Variants in RIF1 observed in about 807,000 individuals in gnomAD.
RIF1 encodes telomere-associated protein RIF1.
A neutral mutation model predicts 247.1 loss-of-function variants in RIF1; 45 were observed. That is an observed-to-expected ratio of 0.18 (90% CI 0.14 to 0.23). The LOEUF is 0.23. RIF1 is among the 10% of genes least tolerant of loss of function. The probability of loss-of-function intolerance (pLI) is 1.00; values close to 1 mark genes in which losing one functional copy is unlikely to be tolerated. For synonymous variants in RIF1, 1,087 were observed against 978.8 expected (o/e 1.11, Z -2.06); for missense variants, 2,967 against 2,862.5 (o/e 1.04, Z -0.83).
rs755614432 is a variant in RIF1 at position 151,503,555 on chromosome 2, A to G, written c.*861+370A>G. 8 of 661,968 alleles carry G rather than the reference A, an allele frequency of 1.2e-5. No homozygotes were observed. The South Asian group carries it at 1.5e-4, about 13-fold the overall frequency. The allele number at this position is 661,968 out of a possible 1,614,324, so 41.0% of individuals were successfully genotyped here. A position where few individuals can be genotyped will look rare whatever the true frequency, so the allele number is the denominator to read the frequency against. On this transcript the variant is annotated intron_variant and NMD_transcript_variant, in intron 12 of 13. Transcript: ENST00000454583. ...CATAAAAACAATCTAGCTCTCAAAT[A>G]TAACATTCAAGGAACAGGGGGGAAA...
chr2:151,525,347 A>C, the RIF1 span: 2 of 1,081,332 alleles, frequency 1.8e-6, no homozygotes, highest in Non-Finnish European at 2.8e-6. Flanking sequence ...AGAACTGTGA[A>C]ATCTCCAGGA....
chr2:151,433,603 C>T (rs72860235), intron 10 of RIF1, among the ~76,000 whole-genome samples: 34,189 of 151,634 alleles, frequency 0.23, 4,575 homozygotes, highest in Admixed American at 0.36. Context: ...TGCAGGCGCA[C>T]GACCACACCT....
At position 151,465,625 on chromosome 2, in the gene RIF1, T is replaced by G. The variant is rs139910339; in HGVS notation, c.6105T>G (p.His2035Gln). The G allele has an allele frequency of 3.8e-5, 61 of 1,614,026 alleles. No homozygotes were observed. In the African/African-American group the frequency reaches 7.2e-4, roughly 19 times the overall value. ...MIGEAMAETGHDGETENEGIT... is the reference protein window; with the variant it reads ...MIGEAMAETGQDGETENEGIT... Reference sequence around the variant, plus strand: ...GCGAGGCAATGGCTGAAACTGGCCATGATGGTGAAACAGAGAATGAGGGCA... The same window carrying G: ...GCGAGGCAATGGCTGAAACTGGCCAGGATGGTGAAACAGAGAATGAGGGCA... The change falls in exon 30 of 36, where the codon CAT becomes CAG. Residue 2035 changes from histidine (H) to glutamine (Q), a missense_variant. His to Gln is a conservative substitution (Grantham distance 24). This residue lies in a region of RIF1 where 2,028 missense variants were observed against 1,825.6 expected (regional missense o/e 1.11). Coordinates refer to ENST00000444746, the MANE Select transcript of RIF1 (RefSeq NM_018151.5).
At chr2:151,516,698 A>T in the RIF1 span, 1 of 674,368 alleles carries the variant, frequency 1.5e-6, no homozygotes, top group Non-Finnish European at 2.6e-6. Context: ...GTTTCCTGTT[A>T]TGTTTCAGAT....
At chr2:151,414,762 C>A in intron 3 of RIF1, 61 bp from the exon 4 acceptor site, 2 of 1,182,646 alleles carry the variant, frequency 1.7e-6, no homozygotes, top group Non-Finnish European at 2.5e-6. Context: ...TCAACTTCTG[C>A]TTTCTAAAAA....
In RIF1 at chr2:151,416,797, C is replaced by T. The variant is rs893027642; in HGVS notation, c.409-10C>T. Reference sequence around the variant, plus strand: ...TTATTTCATTTGTATTTATTTGGTTCGTTTTTTAGGTATCCAGTATAATTG... The same window carrying T: ...TTATTTCATTTGTATTTATTTGGTTTGTTTTTTAGGTATCCAGTATAATTG... On this transcript the variant is annotated splice_polypyrimidine_tract_variant and intron_variant, in intron 5 of 35. Transcript: ENST00000444746. 53 of 1,602,820 alleles carry T rather than the reference C, an allele frequency of 3.3e-5. No individual in the cohort carries two copies. The highest frequency in any genetic ancestry group is 1.0e-4 in the Admixed American group (6 of 58,194).
Position 151,443,651 on chromosome 2 carries a change from A to C in RIF1, c.1928A>C (p.Glu643Ala). 1 of 1,611,762 alleles carries C rather than the reference A, an allele frequency of 6.2e-7. No homozygotes were observed. Among genetic ancestry groups the C allele is most frequent in the Non-Finnish European group, 8.5e-7 (1 of 1,179,272 alleles). Reference protein sequence around the residue: ...NQNAKQLENKEHLWKMWSVIV... With the variant: ...NQNAKQLENKAHLWKMWSVIV... Reference sequence around the variant, plus strand: ...AATGCAAAGCAGTTGGAAAATAAGGAGCATCTCTGGAAAATGTGGAGTGTT... The same window carrying C: ...AATGCAAAGCAGTTGGAAAATAAGGCGCATCTCTGGAAAATGTGGAGTGTT... The change falls in exon 18 of 36, where the codon GAG becomes GCG. Residue 643 changes from glutamate (E) to alanine (A), a missense_variant. Transcript: ENST00000444746.
downstream of RIF1, chr2:151,508,156 A>T (rs182639010): frequency 1.5e-5 from 20 of 1,328,446 alleles, no homozygotes; most frequent in Non-Finnish European, 2.1e-5. Flanking sequence ...CCACAGGGAT[A>T]TAGGCCAATG....
chr2:151,516,185 A>G, the RIF1 span, among the ~76,000 whole-genome samples: 5 of 152,210 alleles, frequency 3.3e-5, no homozygotes, highest in Admixed American at 1.3e-4. Flanking sequence ...AATTACATTC[A>G]GTATAATTTG....
At chr2:151,492,517 T>A (rs1477357677) in intron 9 of RIF1, 1 of 1,514,342 alleles carries the variant, frequency 6.6e-7, no homozygotes, top group South Asian at 1.1e-5. Flanking sequence ...AGACCGTGAA[T>A]GAGTGGTGCT....
rs776126208 is a variant in RIF1 at position 151,463,832 on chromosome 2, C to T, written c.4312C>T (p.His1438Tyr). The T allele has an allele frequency of 2.5e-6, 4 of 1,610,398 alleles. No homozygotes were observed. Among genetic ancestry groups the T allele is most frequent in the Admixed American group, 1.7e-5 (1 of 59,076 alleles). ...TTESQDKENS[H>Y]QKKERRKEEE... Reference sequence around the variant, plus strand: ...TGAAAGCCAAGATAAGGAAAATAGTCATCAAAAAAAGGAACGACGTAAGGA... The same window carrying T: ...TGAAAGCCAAGATAAGGAAAATAGTTATCAAAAAAAGGAACGACGTAAGGA... Residue 1438 changes from histidine (H) to tyrosine (Y), a missense_variant, in exon 30 of 36, where the codon CAT becomes TAT. His to Tyr is a moderately conservative substitution (Grantham distance 83). Transcript: ENST00000444746.
chr2:151,437,438 C>G, intron 13 of RIF1, 87 bp downstream of exon 13: 1 of 1,031,360 alleles, frequency 9.7e-7, no homozygotes, highest in African/African-American at 1.6e-5. Context: ...CACCTGTAAT[C>G]CCAGCACTTT....
At chr2:151,431,695 G>A (rs541969496) in intron 9 of RIF1, among the ~76,000 whole-genome samples, 5 of 152,174 alleles carry the variant, frequency 3.3e-5, no homozygotes, top group African/African-American at 9.7e-5. Context: ...GCAGAGGCAG[G>A]AGAATCCGGG....
the RIF1 span, among the ~76,000 whole-genome samples, chr2:151,520,140 C>T: frequency 1.3e-5 from 2 of 151,374 alleles, no homozygotes; most frequent in Admixed American, 1.3e-4. Context: ...GCAAAACCAA[C>T]AGCAATTTAA....
chr2:151,462,944 G>A lies in RIF1; in HGVS notation c.3424G>A (p.Ala1142Thr), dbSNP rs137963675. 2.5e-3 allele frequency: 4,044 copies of A among 1,613,908 alleles called. 67 individuals carry two copies. In the East Asian group the frequency reaches 0.029, roughly 12 times the overall value. The change falls in exon 30 of 36, where the codon GCT becomes ACT. Residue 1142 changes from alanine (A) to threonine (T), a missense_variant. By Grantham distance (58) the Ala-to-Thr change is moderately conservative. Around this residue, in one of 7 missense-constraint regions of RIF1, gnomAD observed 2,028 missense variants for 1,825.6 expected, o/e 1.11. Transcript: ENST00000444746. ...PQDVTEDCGM[A>T]EHLEKSSLSN... is the part of the protein sequence containing the mutation. The stretch of plus-strand genomic sequence containing the variant: ...AGATGTCACGGAAGACTGTGGTATG[G>A]CTGAACATCTTGAAAAGTCCTCCCT...
chr2:151,418,468 G>A lies in RIF1; in HGVS notation c.503+1567G>A, dbSNP rs538245397. On this transcript the variant is annotated intron_variant, in intron 6 of 35. Transcript: ENST00000444746. The stretch of plus-strand genomic sequence containing the variant: ...GGTGCACCCACCTCAGCCTCCCAAT[G>A]TACCAGGATCACAGGCCTGAACCAC... 4.5e-3 allele frequency among the ~76,000 whole-genome samples: 683 copies of A among 151,984 alleles called. 6 individuals are homozygous for A. Among genetic ancestry groups the A allele is most frequent in the Non-Finnish European group, 4.8e-3 (326 of 67,966 alleles).
At position 151,411,244 on chromosome 2, in the gene RIF1, C is replaced by A; in HGVS notation, c.105-16C>A. On this transcript the variant is annotated splice_polypyrimidine_tract_variant and intron_variant, in intron 2 of 35. Transcript: ENST00000444746. ...CCTGTCAACTACTTAAACTTGTGTT[C>A]TTCCTGCTTTTTAAGTCGTATGACT... is the stretch of plus-strand genomic sequence containing the variant. 6.7e-7 allele frequency: 1 copy of A among 1,501,882 alleles called. No homozygotes were observed. The highest frequency in any genetic ancestry group is 9.1e-7 in the Non-Finnish European group (1 of 1,099,924). The allele number at this position is 1,501,882 out of a possible 1,614,324, so 93.0% of individuals were successfully genotyped here. A position where few individuals can be genotyped will look rare whatever the true frequency, so the allele number is the denominator to read the frequency against.
intron 9 of RIF1, chr2:151,493,085 G>T: frequency 2.6e-6 from 1 of 377,534 alleles, no homozygotes; most frequent in Non-Finnish European, 4.8e-6. Flanking sequence ...TCAAAGTATA[G>T]GGGAAGGAAA....
chr2:151,412,457 A>G (rs938549353), intron 3 of RIF1, among the ~76,000 whole-genome samples: 2 of 152,180 alleles, frequency 1.3e-5, no homozygotes. Flanking sequence ...AGTAGCTGAG[A>G]TTACAAGTAG....
Sources: gnomAD v4.1 joint callset for allele counts (sites outside exome capture counted in the v4.1 genomes callset) on GRCh38, gnomAD v4.1.1 for gene constraint, gnomAD v4.1.1 regional missense constraint, MANE v1.5 for transcripts, NCBI Gene and HGNC (gene_info 2026-07-23, HGNC 2026-07-21) for gene names.